The following TTBK2 variants were observed in gnomAD, a reference collection of about 807,000 sequenced individuals.
The protein encoded by TTBK2 is tau-tubulin kinase 2.
A neutral mutation model predicts 110.8 loss-of-function variants in TTBK2; 28 were observed. That is an observed-to-expected ratio of 0.25 (90% CI 0.19 to 0.35). TTBK2 has a LOEUF of 0.35. Ranked by LOEUF, TTBK2 falls within the 10% of genes least tolerant of loss-of-function variation. The pLI is 1.00. For missense variants in TTBK2, 1,369 were observed against 1,500.3 expected (o/e 0.91, Z 1.45); for synonymous variants, 532 against 527.3 (o/e 1.01, Z -0.12).
chr15:42,750,811 C>A (rs1480307598), intron 14 of TTBK2, among the ~76,000 whole-genome samples: 1 of 152,128 alleles, frequency 6.6e-6, no homozygotes. Context: ...CAATGAGACA[C>A]ATTATAATTA....
chr15:42,916,022 AAG>A (rs939276546), intron 1 of TTBK2, among the ~76,000 whole-genome samples: 2 of 152,060 alleles, frequency 1.3e-5, no homozygotes. Flanking sequence ...GAAAAAAGAA[AAG>A]AGAGAGAGAG....
intron 13 of TTBK2, among the ~76,000 whole-genome samples, chr15:42,768,791 C>T (rs1304889448): frequency 1.3e-5 from 2 of 152,140 alleles, no homozygotes; most frequent in African/African-American, 4.8e-5. Flanking sequence ...AAAAAAGAGC[C>T]CGCATCGCCA....
chr15:42,840,340 A>C lies in TTBK2; in HGVS notation c.291+20T>G, dbSNP rs770946098. ...GATCAAAACTGAAGAATTTAAAGAT[A>C]CGTTTTCAAGGTAACCTACCTGCAA... is the stretch of plus-strand genomic sequence containing the variant. On this transcript the variant is annotated intron_variant, in intron 4 of 14. Transcript: ENST00000267890. The C allele has an allele frequency of 6.2e-7, 1 of 1,605,606 alleles. No homozygotes were observed. Among genetic ancestry groups the C allele is most frequent in the African/African-American group, 1.3e-5 (1 of 74,752 alleles).
chr15:42,831,641 A>C (rs1217090742), intron 4 of TTBK2, among the ~76,000 whole-genome samples: 1 of 152,128 alleles, frequency 6.6e-6, no homozygotes, highest in Non-Finnish European at 1.5e-5. Flanking sequence ...TTCCAAATCT[A>C]ACTCTGACCC....
intron 1 of TTBK2, among the ~76,000 whole-genome samples, chr15:42,917,750 T>C (rs2031160012): frequency 6.6e-6 from 1 of 151,064 alleles, no homozygotes; most frequent in Non-Finnish European, 1.5e-5. Flanking sequence ...TCCATAAATA[T>C]TGAAGGTATA....
chr15:42,885,765 CTT>C (rs1326961346), intron 1 of TTBK2, among the ~76,000 whole-genome samples: 1 of 152,150 alleles, frequency 6.6e-6, no homozygotes, highest in Non-Finnish European at 1.5e-5. Flanking sequence ...AAACTTGCCT[CTT>C]TCACTATGGG....
chr15:42,915,599 A>G (rs2031036933), intron 1 of TTBK2, among the ~76,000 whole-genome samples: 1 of 152,180 alleles, frequency 6.6e-6, no homozygotes, highest in Non-Finnish European at 1.5e-5. Context: ...GATGGGGATG[A>G]CTACAGTAGT....
chr15:42,820,787 G>C (rs1329967795), intron 6 of TTBK2, among the ~76,000 whole-genome samples: 1 of 151,990 alleles, frequency 6.6e-6, no homozygotes, highest in Admixed American at 6.6e-5. Context: ...GCTCACTTGA[G>C]GCCAGGAGTT....
rs1045418403 is a variant in TTBK2, at chr15:42,907,026, GA to G, written c.-68+13411del. 3.5e-3 allele frequency among the ~76,000 whole-genome samples: 410 copies of G among 116,078 alleles called. 3 individuals carry two copies. The highest frequency in any genetic ancestry group is 0.012 in the African/African-American group (374 of 31,378). The allele number at this position is 116,078 out of a possible 152,430, so 76.2% of individuals were successfully genotyped here. A position where few individuals can be genotyped will look rare whatever the true frequency, so the allele number is the denominator to read the frequency against. On this transcript the variant is annotated intron_variant, in intron 1 of 14. Transcript: ENST00000267890. ...ACAATGAGACCCTGTCTCATTAAAA[GA>G]AAAAAAAAAAGAAATACAAATGGCC...
intron 13 of TTBK2, among the ~76,000 whole-genome samples, chr15:42,760,094 G>T (rs944561502): frequency 4.6e-5 from 7 of 152,074 alleles, no homozygotes; most frequent in African/African-American, 1.7e-4. Flanking sequence ...TAGCACTAAA[G>T]AATTAAATGG....
rs541961023 is a variant in TTBK2, at chr15:42,747,929, G to A, written c.3273-1672C>T. On this transcript the variant is annotated intron_variant, in intron 14 of 14. Coordinates refer to ENST00000267890, the MANE Select transcript of TTBK2 (RefSeq NM_173500.4). ...CATATATAATGATACACTTTAGATC[G>A]ATAGTAAATTTATACACAAAGCACA... 2.6e-5 allele frequency among the ~76,000 whole-genome samples: 4 copies of A among 152,162 alleles called. No homozygotes were observed. The South Asian group carries it at 6.2e-4, about 24-fold the overall frequency.
chr15:42,766,831 T>G (rs968084822), intron 13 of TTBK2, among the ~76,000 whole-genome samples: 1 of 152,316 alleles, frequency 6.6e-6, no homozygotes, highest in South Asian at 2.1e-4. Context: ...AGAATATACA[T>G]TCTTCTCAGC....
At chr15:42,787,052 G>A (rs981327879) in intron 10 of TTBK2, among the ~76,000 whole-genome samples, 32 of 152,160 alleles carry the variant, frequency 2.1e-4, no homozygotes, top group African/African-American at 7.7e-4. Context: ...TAGTAAGAAC[G>A]AATATCCTTT....
intron 4 of TTBK2, among the ~76,000 whole-genome samples, chr15:42,831,820 G>A (rs9920910): frequency 0.016 from 2,381 of 152,166 alleles, 29 homozygotes; most frequent in Admixed American, 0.023. Context: ...CTCTCCTATC[G>A]CAAGGGGATT....
intron 14 of TTBK2, among the ~76,000 whole-genome samples, chr15:42,747,203 A>G (rs1184723573): frequency 6.6e-6 from 1 of 152,006 alleles, no homozygotes; most frequent in East Asian, 1.9e-4. Context: ...CCTGAGCTCT[A>G]GCAATCCTCC....
intron 2 of TTBK2, among the ~76,000 whole-genome samples, chr15:42,878,336 C>G (rs1303695489): frequency 6.6e-6 from 1 of 151,950 alleles, no homozygotes; most frequent in Non-Finnish European, 1.5e-5. Flanking sequence ...AAATTTAGTA[C>G]TATACGAAGC....
intron 6 of TTBK2, among the ~76,000 whole-genome samples, chr15:42,824,631 G>A (rs1892450250): frequency 6.6e-6 from 1 of 151,986 alleles, no homozygotes; most frequent in South Asian, 2.1e-4. Context: ...CAGCCAACAG[G>A]GTATTTACTG....
intron 1 of TTBK2, among the ~76,000 whole-genome samples, chr15:42,912,005 G>A (rs995936132): frequency 6.6e-6 from 1 of 151,932 alleles, no homozygotes; most frequent in African/African-American, 2.4e-5. Context: ...AGCTCATAAA[G>A]TCTTAAGAAA....
At chr15:42,888,499 A>G (rs1895328518) in intron 1 of TTBK2, among the ~76,000 whole-genome samples, 1 of 152,134 alleles carries the variant, frequency 6.6e-6, no homozygotes, top group African/African-American at 2.4e-5. Context: ...ACTCACAAGC[A>G]AAGGCAGGCT....
Sources: allele counts gnomAD v4.1 joint callset (sites outside exome capture counted in the v4.1 genomes callset), GRCh38; gene constraint gnomAD v4.1.1; transcripts MANE v1.5; gene names NCBI Gene and HGNC (gene_info 2026-07-23, HGNC 2026-07-21).